FAM174B: variants seen among roughly 807,000 people sequenced by gnomAD.
The protein encoded by FAM174B is membrane protein FAM174B.
A neutral mutation model predicts 10.9 loss-of-function variants in FAM174B; 12 were observed. The observed-to-expected ratio is 1.10, with a 90% CI of 0.71 to 1.79. The LOEUF (loss-of-function observed/expected upper bound fraction) is 1.79, where lower values mean the gene tolerates loss of function less well. Among genes scored for constraint, FAM174B ranks in the 40% most tolerant of loss-of-function variants. The pLI is 0.00. For missense variants in FAM174B, 266 were observed against 233.3 expected (o/e 1.14, Z -0.91); for synonymous variants, 132 against 115.8 (o/e 1.14, Z -0.90).
At chr15:92,638,738 C>T (rs1000682092) in intron 1 of FAM174B, among the ~76,000 whole-genome samples, 1 of 152,218 alleles carries the variant, frequency 6.6e-6, no homozygotes, top group Non-Finnish European at 1.5e-5. Flanking sequence ...ACTCTACTTA[C>T]TCCAGGGGGC....
At chr15:92,632,622 G>A (rs754765756) in intron 1 of FAM174B, among the ~76,000 whole-genome samples, 24 of 151,928 alleles carry the variant, frequency 1.6e-4, no homozygotes, top group South Asian at 4.2e-4. Context: ...CAATCCTTTC[G>A]CCTCAGCCTC....
chr15:92,633,093 A>C (rs1567046050), intron 1 of FAM174B, among the ~76,000 whole-genome samples: 1 of 152,170 alleles, frequency 6.6e-6, no homozygotes, highest in Non-Finnish European at 1.5e-5. Flanking sequence ...AATATTTAAT[A>C]CTGTCTATGA....
intron 1 of FAM174B, among the ~76,000 whole-genome samples, chr15:92,649,279 G>A (rs977232366): frequency 6.6e-6 from 1 of 152,180 alleles, no homozygotes; most frequent in Non-Finnish European, 1.5e-5. Context: ...CAGGTGCCAG[G>A]TCTTCACAGT....
Position 92,618,876 on chromosome 15 carries a change from C to T in FAM174B, c.*580G>A, listed in dbSNP as rs1325141083. ...AAAAAGGAAGAAAGAAAAGGAGCCA[C>T]AGACGTGTCCAGGTCTGGAAGGGGC... On this transcript the variant is annotated 3_prime_UTR_variant, in exon 3 of 3. Coordinates refer to ENST00000327355, the MANE Select transcript of FAM174B (RefSeq NM_207446.3). The T allele has an allele frequency of 7.9e-6, 2 of 254,354 alleles. No homozygotes were observed. The highest frequency in any genetic ancestry group is 5.2e-5 in the Admixed American group (1 of 19,160). 15.8% of individuals were successfully genotyped at this position (254,354 alleles called of 1,614,324 possible). A position where few individuals can be genotyped will look rare whatever the true frequency, so the allele number is the denominator to read the frequency against.
rs2050814037 is a variant in FAM174B at position 92,631,405 on chromosome 15, TTATATATAATATATAATATATA to T, written c.345-1082_345-1061del. Among the ~76,000 whole-genome samples, 9 of 47,892 alleles carry T rather than the reference TTATATATAATATATAATATATA, an allele frequency of 1.9e-4. 2 individuals carry two copies. The highest frequency in any genetic ancestry group is 4.6e-4 in the South Asian group (1 of 2,158). The allele number at this position is 47,892 out of a possible 152,430, so 31.4% of individuals were successfully genotyped here. On this transcript the variant is annotated intron_variant, in intron 1 of 2. Coordinates refer to ENST00000327355, the MANE Select transcript of FAM174B (RefSeq NM_207446.3). ...ATTATATATTATATATTATATTATA[TTATATATAATATATAATATATA>T]ATATAATATATTATATATATAACAT...
At chr15:92,632,034 G>C (rs955071308) in intron 1 of FAM174B, among the ~76,000 whole-genome samples, 1 of 150,150 alleles carries the variant, frequency 6.7e-6, no homozygotes, top group Non-Finnish European at 1.5e-5. Context: ...AAAATTGCAT[G>C]AGATGATGCA....
chr15:92,638,337 C>G (rs1489004278), intron 1 of FAM174B, among the ~76,000 whole-genome samples: 1 of 152,126 alleles, frequency 6.6e-6, no homozygotes, highest in African/African-American at 2.4e-5. Flanking sequence ...AATCCTGAAG[C>G]CAGAGGGTTT....
chr15:92,633,241 G>A (rs1467358951), intron 1 of FAM174B, among the ~76,000 whole-genome samples: 1 of 152,128 alleles, frequency 6.6e-6, no homozygotes, highest in East Asian at 1.9e-4. Context: ...TCTTCAGCAC[G>A]GAGAAACTCT....
chr15:92,638,153 C>A (rs1383661579), intron 1 of FAM174B, among the ~76,000 whole-genome samples: 1 of 152,182 alleles, frequency 6.6e-6, no homozygotes, highest in Non-Finnish European at 1.5e-5. Context: ...GAGGCCTCAA[C>A]CTGGTTGAGA....
intron 1 of FAM174B, among the ~76,000 whole-genome samples, chr15:92,634,094 G>A (rs1194176981): frequency 1.3e-5 from 2 of 152,230 alleles, no homozygotes; most frequent in Non-Finnish European, 2.9e-5. Flanking sequence ...AAAGGGACAA[G>A]GCTGGGCTGT....
At chr15:92,651,025 A>T (rs181471460) in intron 1 of FAM174B, among the ~76,000 whole-genome samples, 211 of 152,378 alleles carry the variant, frequency 1.4e-3, no homozygotes, top group African/African-American at 5.0e-3. Flanking sequence ...ACAGATGGGG[A>T]AATCAGATTG....
At chr15:92,653,810 A>G (rs1237595854) in intron 1 of FAM174B, among the ~76,000 whole-genome samples, 1 of 152,270 alleles carries the variant, frequency 6.6e-6, no homozygotes. Context: ...CATAAGGAGC[A>G]AGTGACAAGG....
chr15:92,647,960 CCTTAT>C (rs915206538), intron 1 of FAM174B, among the ~76,000 whole-genome samples: 1 of 152,152 alleles, frequency 6.6e-6, no homozygotes, highest in African/African-American at 2.4e-5. Context: ...CCACAACCCC[CCTTAT>C]CTTAACTCAA....
chr15:92,628,765 A>G (rs192064367), intron 2 of FAM174B, among the ~76,000 whole-genome samples: 1 of 152,324 alleles, frequency 6.6e-6, no homozygotes, highest in Admixed American at 6.5e-5. Context: ...TGTAAACATG[A>G]TAATACAGTC....
At chr15:92,651,801 G>C (rs2050968409) in intron 1 of FAM174B, among the ~76,000 whole-genome samples, 1 of 152,146 alleles carries the variant, frequency 6.6e-6, no homozygotes, top group African/African-American at 2.4e-5. Context: ...ATAGTGCAGT[G>C]GAAAATGTAC....
intron 1 of FAM174B, among the ~76,000 whole-genome samples, chr15:92,652,958 C>T (rs1292162745): frequency 6.6e-6 from 1 of 152,184 alleles, no homozygotes; most frequent in African/African-American, 2.4e-5. Context: ...GCTACACAGA[C>T]TTGCAGAGTG....
chr15:92,638,847 A>G (rs566160624), intron 1 of FAM174B, among the ~76,000 whole-genome samples: 2 of 152,262 alleles, frequency 1.3e-5, no homozygotes, highest in African/African-American at 4.8e-5. Flanking sequence ...TCATAGGCAC[A>G]TCCCTGCCAC....
In FAM174B at chr15:92,655,684, G is replaced by A. The variant is rs1023331941; in HGVS notation, c.-25C>T. ...TAGTGCGGTGGGTCGGCACAGGATC[G>A]GGCAGGGCGCGCGCGGCTGAGCTCC... is the stretch of plus-strand genomic sequence containing the variant. On this transcript the variant is annotated 5_prime_UTR_variant, in exon 1 of 3. Transcript: ENST00000327355. The A allele has an allele frequency of 1.4e-5, 17 of 1,241,192 alleles. No homozygotes were observed. The South Asian group carries it at 5.1e-4, about 37-fold the overall frequency. The allele number at this position is 1,241,192 out of a possible 1,614,324, so 76.9% of individuals were successfully genotyped here.
chr15:92,646,830 G>C (rs1353150498), intron 1 of FAM174B, among the ~76,000 whole-genome samples: 1 of 152,166 alleles, frequency 6.6e-6, no homozygotes, highest in African/African-American at 2.4e-5. Context: ...CTATGGCCTG[G>C]AAGTTATCCC....
Sources: allele counts gnomAD v4.1 joint callset (sites outside exome capture counted in the v4.1 genomes callset), GRCh38; gene constraint gnomAD v4.1.1; transcripts MANE v1.5; gene names NCBI Gene and HGNC (gene_info 2026-07-23, HGNC 2026-07-21).